PRH1: variants seen among roughly 807,000 people sequenced by gnomAD.
PRH1 encodes the protein proline rich protein HaeIII subfamily 1, also known as salivary acidic proline-rich phosphoprotein 1/2.
PRH1 carries 7 observed loss-of-function variants against 7.9 expected under a neutral mutation model. The ratio of observed to expected loss-of-function variants is 0.89; its 90% CI spans 0.50 to 1.67. The LOEUF (loss-of-function observed/expected upper bound fraction) is 1.67. Ranked by LOEUF, PRH1 falls within the 40% of genes most tolerant of loss-of-function variation. The probability of loss-of-function intolerance (pLI) is 0.00; values close to 1 mark genes in which losing one functional copy is unlikely to be tolerated. For synonymous variants in PRH1, 45 were observed against 80.8 expected (o/e 0.56, Z 2.38); for missense variants, 109 against 223.6 (o/e 0.49, Z 3.27).
intron 2 of PRH1, among the ~76,000 whole-genome samples, chr12:10,952,005 G>C (rs963867461): frequency 1.3e-5 from 2 of 152,136 alleles, no homozygotes; most frequent in South Asian, 4.1e-4. Flanking sequence ...TTTTACAACA[G>C]CCTTAGGATA....
chr12:11,090,400 C>A (rs1207985438), intron 1 of PRH1, among the ~76,000 whole-genome samples: 1 of 115,672 alleles, frequency 8.6e-6, no homozygotes, highest in African/African-American at 2.9e-5. Flanking sequence ...ATTAGCAAAT[C>A]AGGGGCTTAA....
intron 1 of PRH1, among the ~76,000 whole-genome samples, chr12:11,066,408 A>T (rs1943813908): frequency 6.6e-6 from 1 of 152,040 alleles, no homozygotes; most frequent in Non-Finnish European, 1.5e-5. Context: ...TTCTATAGTG[A>T]TCATAATGAA....
At chr12:10,997,740 G>C (rs1417476315) in intron 1 of PRH1, 1 of 1,613,904 alleles carries the variant, frequency 6.2e-7, no homozygotes, top group Non-Finnish European at 8.5e-7. Flanking sequence ...GCAATAATTT[G>C]ATCAGCTGAG....
At chr12:11,168,088 A>G (rs1802856581) in intron 1 of PRH1, among the ~76,000 whole-genome samples, 1 of 151,488 alleles carries the variant, frequency 6.6e-6, no homozygotes, top group African/African-American at 2.4e-5. Flanking sequence ...GAGAAAAAGA[A>G]AAGTCTTTCT....
At chr12:10,918,873 A>T (rs1950008815) in intron 2 of PRH1, among the ~76,000 whole-genome samples, 1 of 152,004 alleles carries the variant, frequency 6.6e-6, no homozygotes, top group Admixed American at 6.6e-5. Flanking sequence ...AAAGTATTAA[A>T]TTTTTTTCTA....
intron 2 of PRH1, among the ~76,000 whole-genome samples, chr12:10,894,449 C>T (rs1211859539): frequency 6.6e-6 from 1 of 152,154 alleles, no homozygotes; most frequent in Non-Finnish European, 1.5e-5. Context: ...AAAGTTTTCA[C>T]TAAGCTGTAG....
At chr12:11,014,993 A>G (rs1565550465) in intron 1 of PRH1, among the ~76,000 whole-genome samples, 1 of 152,130 alleles carries the variant, frequency 6.6e-6, no homozygotes, top group Non-Finnish European at 1.5e-5. Flanking sequence ...CAATTTCACA[A>G]TAAGTAAAGA....
At chr12:11,039,570 C>A (rs1942614329) in intron 1 of PRH1, among the ~76,000 whole-genome samples, 2 of 152,228 alleles carry the variant, frequency 1.3e-5, no homozygotes, top group Non-Finnish European at 2.9e-5. Flanking sequence ...AGCAATTTAA[C>A]AACCCAATAC....
chr12:11,127,913 TG>T (rs1289050416), intron 1 of PRH1, among the ~76,000 whole-genome samples: 5 of 152,044 alleles, frequency 3.3e-5, no homozygotes, highest in African/African-American at 1.2e-4. Context: ...GAGACCATCC[TG>T]GCTAACACGG....
At chr12:11,073,982 C>G (rs113354267) in intron 1 of PRH1, among the ~76,000 whole-genome samples, 58,486 of 119,546 alleles carry the variant, frequency 0.49, 12,043 homozygotes, top group Non-Finnish European at 0.58. Context: ...CACAAGGCAT[C>G]TGCTTATAAA....
intron 1 of PRH1, among the ~76,000 whole-genome samples, chr12:11,122,876 G>A (rs988404271): frequency 6.6e-6 from 1 of 152,184 alleles, no homozygotes; most frequent in Non-Finnish European, 1.5e-5. Flanking sequence ...TAACCATTAT[G>A]TAGGGCGAGA....
chr12:10,929,787 A>G (rs1950176728), intron 2 of PRH1, among the ~76,000 whole-genome samples: 1 of 152,212 alleles, frequency 6.6e-6, no homozygotes, highest in Non-Finnish European at 1.5e-5. Flanking sequence ...CTCTGTCTAC[A>G]TAGAGTTAGA....
At chr12:11,139,473 T>C (rs1014660560) in intron 1 of PRH1, among the ~76,000 whole-genome samples, 2 of 152,340 alleles carry the variant, frequency 1.3e-5, no homozygotes, top group Admixed American at 6.5e-5. Flanking sequence ...AAATTTTTTT[T>C]CCAAACTTTA....
intron 2 of PRH1, chr12:10,938,160 T>C: frequency 1.2e-6 from 1 of 866,452 alleles, no homozygotes. Context: ...CTTTGTAAAA[T>C]TCACAAAGTT....
At chr12:10,929,377 G>A (rs768330363) in intron 2 of PRH1, 27 of 1,612,872 alleles carry the variant, frequency 1.7e-5, no homozygotes, top group Non-Finnish European at 2.2e-5. Context: ...CTCTGATTGG[G>A]GTTTACGGGC....
In PRH1 at chr12:11,093,758, A is replaced by T. The variant is rs534255114; in HGVS notation, n.124-46570T>A. ...TTATTTTGATAAACAAAAAATTACT[A>T]CAGTTTGCATAGAGATTTGAGATGG... On this transcript the variant is annotated intron_variant and non_coding_transcript_variant, in intron 1 of 4. Coordinates refer to the PRH1 transcript ENST00000541977. 3.7e-4 allele frequency among the ~76,000 whole-genome samples: 43 copies of T among 114,982 alleles called. 14 individuals are homozygous for T. Among genetic ancestry groups the T allele is most frequent in the African/African-American group, 1.2e-3 (42 of 34,328 alleles). The allele number at this position is 114,982 out of a possible 152,430, so 75.4% of individuals were successfully genotyped here.
chr12:10,897,614 T>A (rs1949665920), intron 2 of PRH1, among the ~76,000 whole-genome samples: 1 of 152,236 alleles, frequency 6.6e-6, no homozygotes, highest in African/African-American at 2.4e-5. Flanking sequence ...TGGCGGCATC[T>A]GTTTCTGGGG....
chr12:11,167,014 C>T (rs570771141), intron 1 of PRH1, among the ~76,000 whole-genome samples: 2 of 152,314 alleles, frequency 1.3e-5, no homozygotes, highest in African/African-American at 4.8e-5. Flanking sequence ...AGACTGAACC[C>T]ACCTAAATAA....
chr12:10,947,721 G>A (rs1487942532), intron 2 of PRH1, among the ~76,000 whole-genome samples: 1 of 152,132 alleles, frequency 6.6e-6, no homozygotes, highest in Non-Finnish European at 1.5e-5. Flanking sequence ...TTGCTTTACA[G>A]TGACACTGGT....
Sources: allele counts gnomAD v4.1 joint callset (sites outside exome capture counted in the v4.1 genomes callset), GRCh38; gene constraint gnomAD v4.1.1; transcripts MANE v1.5; gene names NCBI Gene and HGNC (gene_info 2026-07-23, HGNC 2026-07-21).